HTR4: variants seen among roughly 807,000 people sequenced by gnomAD.
The protein encoded by HTR4 is 5-hydroxytryptamine receptor 4, also known as 5-hydroxytryptamine (serotonin) receptor 4, G protein-coupled.
In HTR4, 16 loss-of-function variants were observed where a neutral mutation model predicts 36.8. The ratio of observed to expected loss-of-function variants is 0.43; its 90% CI spans 0.29 to 0.66. The LOEUF (loss-of-function observed/expected upper bound fraction) is 0.66. Among genes scored for constraint, HTR4 ranks in the 30% least tolerant of loss-of-function variants. HTR4 has a pLI of 0.13. For missense variants in HTR4, 438 were observed against 490.9 expected, an observed-to-expected ratio of 0.89 and a Z score of 1.02; for synonymous variants, 189 against 185.1, an observed-to-expected ratio of 1.02 and a Z score of -0.17.
chr5:148,479,132 G>A (rs903177754), downstream of HTR4, among the ~76,000 whole-genome samples: 36 of 152,076 alleles, frequency 2.4e-4, no homozygotes, highest in African/African-American at 8.5e-4. Context: ...AGCTGGACAG[G>A]ATCCCCATCC....
intron 6 of HTR4, chr5:148,490,928 T>G: frequency 2.3e-6 from 1 of 433,400 alleles, no homozygotes; most frequent in South Asian, 1.7e-5. Context: ...CTACTGTTAT[T>G]TATATGTCAT....
chr5:148,584,282 A>C (rs927983609), intron 2 of HTR4, among the ~76,000 whole-genome samples: 1 of 152,042 alleles, frequency 6.6e-6, no homozygotes, highest in Non-Finnish European at 1.5e-5. Flanking sequence ...TTCCCCCAAA[A>C]AAGGATTTTC....
intron 1 of HTR4, among the ~76,000 whole-genome samples, chr5:148,651,911 A>G (rs901333747): frequency 1.3e-5 from 2 of 152,164 alleles, no homozygotes; most frequent in African/African-American, 4.8e-5. Flanking sequence ...TCTAGCATTG[A>G]AAGAACCCTT....
At chr5:148,526,449 A>T (rs1758281480) in intron 4 of HTR4, among the ~76,000 whole-genome samples, 1 of 152,176 alleles carries the variant, frequency 6.6e-6, no homozygotes, top group Admixed American at 6.5e-5. Context: ...TTGTGTAATC[A>T]ATATAATTTT....
intron 2 of HTR4, among the ~76,000 whole-genome samples, chr5:148,601,098 A>G (rs542029668): frequency 6.6e-6 from 1 of 152,096 alleles, no homozygotes; most frequent in East Asian, 1.9e-4. Flanking sequence ...AAAGGTGTTC[A>G]GCATCAGTAA....
chr5:148,529,855 T>C (rs1263341736), intron 4 of HTR4, among the ~76,000 whole-genome samples: 1 of 152,188 alleles, frequency 6.6e-6, no homozygotes, highest in Non-Finnish European at 1.5e-5. Flanking sequence ...TGGTCTCAGA[T>C]AGAGATGAGA....
intron 2 of HTR4, among the ~76,000 whole-genome samples, chr5:148,556,316 G>T (rs71580500): frequency 2.0e-5 from 3 of 146,934 alleles, no homozygotes; most frequent in Admixed American, 2.0e-4. Context: ...GAGCCACCAC[G>T]CCCAGACTTT....
At chr5:148,515,225 AC>A (rs1461282132) in intron 5 of HTR4, among the ~76,000 whole-genome samples, 11 of 152,228 alleles carry the variant, frequency 7.2e-5, no homozygotes, top group Admixed American at 5.9e-4. Flanking sequence ...ACAACTCATT[AC>A]AGTCTTTTTC....
chr5:148,617,350 A>G (rs978629365), intron 2 of HTR4, among the ~76,000 whole-genome samples: 1 of 152,216 alleles, frequency 6.6e-6, no homozygotes, highest in Non-Finnish European at 1.5e-5. Context: ...CTACCCAACC[A>G]TGAGCCAACT....
At chr5:148,567,049 T>C (rs1760472119) in intron 2 of HTR4, among the ~76,000 whole-genome samples, 1 of 152,130 alleles carries the variant, frequency 6.6e-6, no homozygotes, top group African/African-American at 2.4e-5. Context: ...GTATTGTTCC[T>C]CTCACCAGTT....
chr5:148,543,740 A>C (rs1310922811), intron 4 of HTR4, among the ~76,000 whole-genome samples: 1 of 152,182 alleles, frequency 6.6e-6, no homozygotes, highest in East Asian at 1.9e-4. Context: ...ATCTGTGAGG[A>C]TTAGAAAAGG....
chr5:148,459,455 C>T (rs964329651), intron 5 of HTR4, among the ~76,000 whole-genome samples: 1 of 152,010 alleles, frequency 6.6e-6, no homozygotes, highest in African/African-American at 2.4e-5. Flanking sequence ...TTTATCTAGC[C>T]CAGCTGACCT....
chr5:148,574,144 CA>C (rs1760791142), intron 2 of HTR4, among the ~76,000 whole-genome samples: 3 of 152,036 alleles, frequency 2.0e-5, no homozygotes, highest in African/African-American at 7.2e-5. Flanking sequence ...TCAGAAGAAT[CA>C]ACATAAAGTG....
chr5:148,645,163 G>A (rs899205781), intron 1 of HTR4: 1 of 152,170 alleles, frequency 6.6e-6, no homozygotes, highest in Non-Finnish European at 1.5e-5. Flanking sequence ...AATTCAAATG[G>A]CTGAAGTTTG....
At chr5:148,554,977 A>C (rs927630384) in intron 2 of HTR4, among the ~76,000 whole-genome samples, 1 of 152,030 alleles carries the variant, frequency 6.6e-6, no homozygotes, top group Non-Finnish European at 1.5e-5. Flanking sequence ...AAAGGACATG[A>C]CCTCATTCTC....
In HTR4 at chr5:148,635,926, T is replaced by C. The variant is rs1753518556; in HGVS notation, c.26+1063A>G. On this transcript the variant is annotated intron_variant, in intron 2 of 6. Transcript: ENST00000377888. The stretch of plus-strand genomic sequence containing the variant: ...CACTTTTATTGAGAGTGTAAAATGT[T>C]TTATTGCTAAAAATACAGTCTCTTT... Among the ~76,000 whole-genome samples the C allele has an allele frequency of 2.0e-5, 3 of 152,188 alleles. No homozygotes were observed. The South Asian group carries it at 6.2e-4, about 32-fold the overall frequency.
chr5:148,644,192 T>A (rs1753807082), intron 1 of HTR4, among the ~76,000 whole-genome samples: 1 of 152,114 alleles, frequency 6.6e-6, no homozygotes, highest in African/African-American at 2.4e-5. Context: ...TCCAAAAGTG[T>A]GGTTCACATC....
intron 2 of HTR4, among the ~76,000 whole-genome samples, chr5:148,626,891 C>T (rs565786843): frequency 1.3e-5 from 2 of 152,144 alleles, no homozygotes; most frequent in Non-Finnish European, 2.9e-5. Flanking sequence ...TTTCTATAGA[C>T]ATTTTTTTAC....
At chr5:148,523,565 G>A (rs1758127279) in intron 4 of HTR4, among the ~76,000 whole-genome samples, 1 of 151,970 alleles carries the variant, frequency 6.6e-6, no homozygotes. Context: ...AGTGGCAGAG[G>A]AAGGGAAAAA....
Sources: gnomAD v4.1 joint callset for allele counts (sites outside exome capture counted in the v4.1 genomes callset) on GRCh38, gnomAD v4.1.1 for gene constraint, MANE v1.5 for transcripts, NCBI Gene and HGNC (gene_info 2026-07-23, HGNC 2026-07-21) for gene names.